FBN1: variants seen among roughly 807,000 people sequenced by gnomAD.
The protein encoded by FBN1 is fibrillin-1.
A neutral mutation model predicts 365.1 loss-of-function variants in FBN1; 29 were observed. That is an observed-to-expected ratio of 0.08 (90% CI 0.06 to 0.11). FBN1 has a LOEUF of 0.11. Among genes scored for constraint, FBN1 ranks in the 10% least tolerant of loss-of-function variants. The probability of loss-of-function intolerance (pLI) is 1.00; values close to 1 mark genes in which losing one functional copy is unlikely to be tolerated. For synonymous variants in FBN1, 1,210 were observed against 1,270.5 expected (o/e 0.95, Z 1.01); for missense variants, 2,476 against 3,703.2 (o/e 0.67, Z 8.60).
rs577488587 is a variant in FBN1, at chr15:48,481,424, A to G, written c.3964+231T>C. Among the ~76,000 whole-genome samples, 12 of 152,308 alleles carry G rather than the reference A, an allele frequency of 7.9e-5. No homozygotes were observed. In the South Asian group the frequency reaches 1.4e-3, roughly 18 times the overall value. ...AATGTGCTATTTACAGTGTTAATTT[A>G]TTCAATACACCTTTTTCCCCCCACA... On this transcript the variant is annotated intron_variant, in intron 32 of 65. Coordinates refer to ENST00000316623, the MANE Select transcript of FBN1 (RefSeq NM_000138.5).
At chr15:48,494,999 G>A (rs2043592355) in intron 22 of FBN1, 124 bp downstream of exon 22, 1 of 1,087,790 alleles carries the variant, frequency 9.2e-7, no homozygotes, top group South Asian at 1.3e-5. Flanking sequence ...AATATGTTCG[G>A]GGCCATCAGG....
intron 32 of FBN1, among the ~76,000 whole-genome samples, chr15:48,480,958 T>C (rs2043460733): frequency 6.6e-6 from 1 of 152,194 alleles, no homozygotes. Context: ...TATTTGAAAA[T>C]ACCAACTAAA....
intron 13 of FBN1, among the ~76,000 whole-genome samples, chr15:48,513,156 G>A (rs918810565): frequency 6.6e-6 from 1 of 152,172 alleles, no homozygotes; most frequent in African/African-American, 2.4e-5. Context: ...CAAGGGCTTA[G>A]AGTGACATCC....
chr15:48,429,402 C>T (rs957310536), intron 56 of FBN1, among the ~76,000 whole-genome samples: 2 of 151,998 alleles, frequency 1.3e-5, no homozygotes, highest in African/African-American at 2.4e-5. Context: ...TTTAAAAAAA[C>T]ATTAAAATAT....
In FBN1 at chr15:48,539,431, C is replaced by A. The variant is rs11070645; in HGVS notation, c.539-1623G>T. Among the ~76,000 whole-genome samples the A allele has an allele frequency of 3.5e-4, 54 of 152,280 alleles. 1 individual carries two copies. The East Asian group carries it at 8.3e-3, about 23-fold the overall frequency. On this transcript the variant is annotated intron_variant, in intron 6 of 65. Transcript: ENST00000316623. ...CGAGTCCCCAGTTCCCCAGCTCCCT[C>A]CCTCCATGCCAGTGTTATGTCCCAC...
chr15:48,433,877 G>A (rs971148592), intron 54 of FBN1, among the ~76,000 whole-genome samples: 5 of 152,090 alleles, frequency 3.3e-5, no homozygotes, highest in African/African-American at 9.7e-5. Flanking sequence ...TCTTTCCTTA[G>A]GCCAGTGAAT....
At chr15:48,499,170 T>C in intron 17 of FBN1, 132 bp from the exon 18 acceptor site, 1 of 874,086 alleles carries the variant, frequency 1.1e-6, no homozygotes, top group African/African-American at 1.6e-5. Context: ...AAAGGAGGTA[T>C]CTCCCCAGGG....
At chr15:48,448,158 G>A (rs2043173256) in intron 46 of FBN1, among the ~76,000 whole-genome samples, 1 of 152,112 alleles carries the variant, frequency 6.6e-6, no homozygotes, top group Non-Finnish European at 1.5e-5. Flanking sequence ...TCTTTCAGCT[G>A]TGAATCTGAT....
At chr15:48,505,331 T>C (rs1465311392) in intron 15 of FBN1, among the ~76,000 whole-genome samples, 184 bp from the exon 16 acceptor site, 1 of 152,138 alleles carries the variant, frequency 6.6e-6, no homozygotes, top group Non-Finnish European at 1.5e-5. Context: ...TCAAGAGAAA[T>C]CAACTGTTGG....
intron 2 of FBN1, among the ~76,000 whole-genome samples, chr15:48,626,551 G>T (rs1208154603): frequency 1.3e-5 from 2 of 151,990 alleles, no homozygotes; most frequent in African/African-American, 4.8e-5. Context: ...CATCAAAACA[G>T]GGACAATATT....
chr15:48,589,166 C>T (rs1046374553), intron 6 of FBN1, among the ~76,000 whole-genome samples: 4 of 152,088 alleles, frequency 2.6e-5, no homozygotes, highest in African/African-American at 9.7e-5. Flanking sequence ...GGATGCCCAG[C>T]GACTGAGGAA....
At chr15:48,437,745 A>G (rs2043084527) in intron 51 of FBN1, 23 bp downstream of exon 51, 1 of 1,613,322 alleles carries the variant, frequency 6.2e-7, no homozygotes, top group East Asian at 2.2e-5. Flanking sequence ...TGGCCCAGAG[A>G]GAAATGCAGA....
intron 6 of FBN1, among the ~76,000 whole-genome samples, chr15:48,590,770 A>G (rs1304019865): frequency 6.6e-6 from 1 of 152,218 alleles, no homozygotes. Flanking sequence ...GATTATTTCA[A>G]TCCTCTCATT....
At chr15:48,417,917 G>A (rs1353354860) in intron 63 of FBN1, among the ~76,000 whole-genome samples, 1 of 152,200 alleles carries the variant, frequency 6.6e-6, no homozygotes, top group Middle Eastern at 3.2e-3. Flanking sequence ...GCATGAGCAA[G>A]CTCTGCTCCC....
intron 6 of FBN1, among the ~76,000 whole-genome samples, chr15:48,544,313 AATACAACC>A (rs2044079597): frequency 6.6e-6 from 1 of 152,224 alleles, no homozygotes; most frequent in Admixed American, 6.5e-5. Flanking sequence ...TTATTAAAAG[AATACAACC>A]TTTTGGCAAA....
chr15:48,446,957 G>C (rs1295027162), intron 46 of FBN1, 135 bp from the exon 47 acceptor site: 1 of 668,196 alleles, frequency 1.5e-6, no homozygotes, highest in African/African-American at 1.8e-5. Context: ...GTTGGTATCA[G>C]CTCCAGCAGC....
intron 60 of FBN1, among the ~76,000 whole-genome samples, chr15:48,423,939 C>T (rs572467402): frequency 6.6e-6 from 1 of 152,120 alleles, no homozygotes; most frequent in Non-Finnish European, 1.5e-5. Flanking sequence ...CATTTTTCAT[C>T]TTTTAATTGC....
intron 38 of FBN1, among the ~76,000 whole-genome samples, chr15:48,467,598 C>T (rs112652663): frequency 0.014 from 2,088 of 152,294 alleles, 38 homozygotes; most frequent in African/African-American, 0.04. Context: ...GGCGTACAGC[C>T]TTCCAAACTA....
intron 6 of FBN1, among the ~76,000 whole-genome samples, chr15:48,574,598 G>GT (rs2044331635): frequency 6.6e-6 from 1 of 150,850 alleles, no homozygotes. Flanking sequence ...CACCTACTTT[G>GT]TACAGGCACC....
Sources: allele counts gnomAD v4.1 joint callset (sites outside exome capture counted in the v4.1 genomes callset), GRCh38; gene constraint gnomAD v4.1.1; transcripts MANE v1.5; gene names NCBI Gene and HGNC (gene_info 2026-07-23, HGNC 2026-07-21).